The following EYS variants were observed in gnomAD, a reference collection of about 807,000 sequenced individuals.
EYS encodes EGF-like photoreceptor maintenance factor, also known as protein eyes shut homolog.
In EYS, 250 loss-of-function variants were observed where a neutral mutation model predicts 282.1. The observed-to-expected ratio is 0.89, with a 90% CI of 0.80 to 0.98. The LOEUF (loss-of-function observed/expected upper bound fraction) is 0.98. Among genes scored for constraint, EYS ranks in the 50% least tolerant of loss-of-function variants. The pLI is 0.00. For synonymous variants in EYS, 1,355 were observed against 1,282.9 expected (o/e 1.06, Z -1.20); for missense variants, 4,016 against 3,709.0 (o/e 1.08, Z -2.15).
chr6:65,679,043 A>G (rs774798215), intron 1 of EYS, among the ~76,000 whole-genome samples: 8 of 151,992 alleles, frequency 5.3e-5, no homozygotes, highest in Non-Finnish European at 1.2e-4. Flanking sequence ...TGAAACCCAT[A>G]TCCCCTCTTG....
chr6:64,974,679 G>A (rs1770416409), intron 14 of EYS, among the ~76,000 whole-genome samples: 1 of 151,734 alleles, frequency 6.6e-6, no homozygotes, highest in Non-Finnish European at 1.5e-5. Context: ...CACTGTCAAT[G>A]GCATTATTTG....
At chr6:64,424,735 C>T (rs909256763) in intron 28 of EYS, among the ~76,000 whole-genome samples, 3 of 152,164 alleles carry the variant, frequency 2.0e-5, no homozygotes, top group Non-Finnish European at 4.4e-5. Flanking sequence ...CCCAGTTACA[C>T]GCTAGGTGCC....
intron 12 of EYS, among the ~76,000 whole-genome samples, chr6:65,229,637 G>A (rs1478044184): frequency 1.3e-5 from 2 of 151,916 alleles, no homozygotes; most frequent in Non-Finnish European, 2.9e-5. Flanking sequence ...AAAGAAGAGA[G>A]AGAAGTTCAT....
intron 35 of EYS, among the ~76,000 whole-genome samples, chr6:63,876,623 C>T (rs1308217599): frequency 6.6e-6 from 1 of 152,112 alleles, no homozygotes; most frequent in Non-Finnish European, 1.5e-5. Context: ...CTTTAGGTGT[C>T]TAAGGGCTTG....
At chr6:64,328,050 A>C (rs534699899) in intron 29 of EYS, among the ~76,000 whole-genome samples, 3 of 152,322 alleles carry the variant, frequency 2.0e-5, no homozygotes, top group East Asian at 3.9e-4. Flanking sequence ...ATGAAGTCCA[A>C]GGGGGAGAAT....
chr6:65,064,363 A>T (rs1270296027), intron 12 of EYS, among the ~76,000 whole-genome samples: 3 of 143,868 alleles, frequency 2.1e-5, no homozygotes, highest in Non-Finnish European at 3.0e-5. Flanking sequence ...AGTATATGAT[A>T]TATATACCAT....
At chr6:64,972,988 T>G (rs991474549) in intron 14 of EYS, among the ~76,000 whole-genome samples, 1 of 152,176 alleles carries the variant, frequency 6.6e-6, no homozygotes, top group East Asian at 1.9e-4. Flanking sequence ...GAAAAATCTG[T>G]AGGCATTTTA....
chr6:64,544,448 T>C (rs1271818906), intron 26 of EYS, among the ~76,000 whole-genome samples: 1 of 152,132 alleles, frequency 6.6e-6, no homozygotes, highest in African/African-American at 2.4e-5. Context: ...CTAGCACTCC[T>C]AGACTGGAGA....
intron 22 of EYS, among the ~76,000 whole-genome samples, chr6:64,660,303 A>G (rs1768951907): frequency 6.6e-6 from 1 of 152,034 alleles, no homozygotes; most frequent in Non-Finnish European, 1.5e-5. Flanking sequence ...AAAAACTGGA[A>G]GCATTCCCTT....
At chr6:64,375,616 C>T (rs1309942973) in intron 29 of EYS, among the ~76,000 whole-genome samples, 2 of 152,142 alleles carry the variant, frequency 1.3e-5, no homozygotes, top group African/African-American at 4.8e-5. Flanking sequence ...TTACAAAAAA[C>T]CTGAAGACAG....
At chr6:64,222,072 C>G (rs976086616) in intron 31 of EYS, among the ~76,000 whole-genome samples, 3 of 152,006 alleles carry the variant, frequency 2.0e-5, no homozygotes, top group Non-Finnish European at 4.4e-5. Context: ...CATATTGCCT[C>G]ATATCTCTTC....
At chr6:63,845,204 G>A (rs145036870) in intron 36 of EYS, among the ~76,000 whole-genome samples, 3 of 152,222 alleles carry the variant, frequency 2.0e-5, no homozygotes, top group African/African-American at 7.2e-5. Context: ...AGATGGGGGA[G>A]CATTTATTCC....
chr6:65,195,134 T>G (rs1264101442), intron 12 of EYS, among the ~76,000 whole-genome samples: 1 of 152,034 alleles, frequency 6.6e-6, no homozygotes, highest in Non-Finnish European at 1.5e-5. Context: ...ATATTAAGGA[T>G]TTGTGCTCCT....
chr6:65,514,991 C>G lies in EYS; in HGVS notation c.-332-18998G>C, dbSNP rs532312209. Among the ~76,000 whole-genome samples the G allele has an allele frequency of 2.7e-3, 414 of 152,138 alleles. 2 individuals are homozygous for G. Among genetic ancestry groups the G allele is most frequent in the African/African-American group, 9.7e-3 (401 of 41,496 alleles). On this transcript the variant is annotated intron_variant, in intron 2 of 42. Transcript: ENST00000503581. Reference sequence around the variant, plus strand: ...TGCACAGCAAAAGAAACTACCATCACAGTGAACAGGCAACCTACAAAATGG... The same window carrying G: ...TGCACAGCAAAAGAAACTACCATCAGAGTGAACAGGCAACCTACAAAATGG...
At chr6:65,689,416 C>G (rs1303992430) in intron 1 of EYS, among the ~76,000 whole-genome samples, 1 of 149,692 alleles carries the variant, frequency 6.7e-6, no homozygotes, top group African/African-American at 2.4e-5. Flanking sequence ...GGAGATATAC[C>G]TAATGTTAAA....
At chr6:65,191,958 T>C (rs529086926) in intron 12 of EYS, among the ~76,000 whole-genome samples, 1 of 151,932 alleles carries the variant, frequency 6.6e-6, no homozygotes, top group African/African-American at 2.4e-5. Context: ...CTTTTTTTTT[T>C]TTCAAATTTT....
intron 1 of EYS, among the ~76,000 whole-genome samples, chr6:65,665,440 G>A (rs923865745): frequency 8.5e-5 from 13 of 152,108 alleles, no homozygotes; most frequent in African/African-American, 2.4e-4. Context: ...TGTGGGAAAC[G>A]ATGAATTCCT....
chr6:64,299,831 C>T (rs1231118316), intron 30 of EYS, among the ~76,000 whole-genome samples: 4 of 152,074 alleles, frequency 2.6e-5, no homozygotes, highest in Non-Finnish European at 5.9e-5. Context: ...GCAGTGGGTC[C>T]CAGTATCATC....
intron 31 of EYS, among the ~76,000 whole-genome samples, chr6:64,196,768 T>G (rs1765301934): frequency 7.2e-6 from 1 of 139,392 alleles, no homozygotes; most frequent in Non-Finnish European, 1.6e-5. Flanking sequence ...GGGGGAGGGA[T>G]AGCATTAGGA....
Sources: allele counts gnomAD v4.1 joint callset (sites outside exome capture counted in the v4.1 genomes callset), GRCh38; gene constraint gnomAD v4.1.1; transcripts MANE v1.5; gene names NCBI Gene and HGNC (gene_info 2026-07-23, HGNC 2026-07-21).